Variants in PTPRT observed in about 807,000 individuals in gnomAD.
The protein encoded by PTPRT is receptor-type tyrosine-protein phosphatase T.
In PTPRT, 56 loss-of-function variants were observed where a neutral mutation model predicts 176.8. That is an observed-to-expected ratio of 0.32 (90% CI 0.26 to 0.40). The LOEUF (loss-of-function observed/expected upper bound fraction) is 0.40, where lower values mean the gene tolerates loss of function less well. PTPRT is among the 10% of genes least tolerant of loss of function. PTPRT has a pLI of 1.00. For synonymous variants in PTPRT, 783 were observed against 739.0 expected, an observed-to-expected ratio of 1.06 and a Z score of -0.96; for missense variants, 1,540 against 1,908.2, an observed-to-expected ratio of 0.81 and a Z score of 3.60.
chr20:42,425,771 AAAAGAGAGGT>A (rs2059157844), intron 9 of PTPRT, among the ~76,000 whole-genome samples: 1 of 152,182 alleles, frequency 6.6e-6, no homozygotes, highest in South Asian at 2.1e-4. Context: ...AAGCTGGGGT[AAAAGAGAGGT>A]AATGACTGAG....
intron 13 of PTPRT, among the ~76,000 whole-genome samples, chr20:42,265,744 G>A (rs1600749987): frequency 6.6e-6 from 1 of 152,248 alleles, no homozygotes; most frequent in East Asian, 1.9e-4. Flanking sequence ...AAGCCTCAGG[G>A]TGTCCAAGCT....
At chr20:42,636,701 C>T (rs1481090941) in intron 7 of PTPRT, among the ~76,000 whole-genome samples, 1 of 151,966 alleles carries the variant, frequency 6.6e-6, no homozygotes, top group Non-Finnish European at 1.5e-5. Flanking sequence ...AGGAGAATTG[C>T]TTGAATTCAG....
chr20:43,146,541 A>C (rs1261671188), intron 1 of PTPRT, among the ~76,000 whole-genome samples: 4 of 144,460 alleles, frequency 2.8e-5, no homozygotes, highest in African/African-American at 8.0e-5. Flanking sequence ...CAAAATAAAG[A>C]CTCTTCACTT....
chr20:42,280,613 A>G (rs1230543875), intron 13 of PTPRT, among the ~76,000 whole-genome samples: 1 of 152,152 alleles, frequency 6.6e-6, no homozygotes. Flanking sequence ...TCACTTAAGG[A>G]AAGATGGTAA....
At chr20:42,123,231 G>A (rs1327203017) in intron 19 of PTPRT, among the ~76,000 whole-genome samples, 1 of 152,224 alleles carries the variant, frequency 6.6e-6, no homozygotes, top group Non-Finnish European at 1.5e-5. Context: ...TTGAAATTCA[G>A]TGAGATAACA....
intron 1 of PTPRT, among the ~76,000 whole-genome samples, chr20:42,947,438 G>GT (rs1483168446): frequency 6.6e-6 from 1 of 152,062 alleles, no homozygotes; most frequent in Non-Finnish European, 1.5e-5. Context: ...ATTCTCTCCT[G>GT]TTCTCCATAG....
intron 12 of PTPRT, among the ~76,000 whole-genome samples, chr20:42,291,051 C>G (rs1437064886): frequency 6.6e-6 from 1 of 152,116 alleles, no homozygotes; most frequent in Non-Finnish European, 1.5e-5. Context: ...CAACTTGTGT[C>G]TTTATTTTGT....
At chr20:42,509,435 T>G (rs1296636458) in intron 7 of PTPRT, among the ~76,000 whole-genome samples, 2 of 80,498 alleles carry the variant, frequency 2.5e-5, no homozygotes, top group Non-Finnish European at 4.4e-5. Context: ...AGATATAAAT[T>G]ATATAATTTA....
rs368202054 is a variant in PTPRT at position 43,077,974 on chromosome 20, C to A, written c.88+111672G>T. On this transcript the variant is annotated intron_variant, in intron 1 of 30. Transcript: ENST00000373187. ...TGGGAACATCATTTCTTCAGGGACA[C>A]CCTCCCTGAGTATATCAGATACACC... is the stretch of plus-strand genomic sequence containing the variant. Among the ~76,000 whole-genome samples, 6 of 152,328 alleles carry A rather than the reference C, an allele frequency of 3.9e-5. No homozygotes were observed. The East Asian group carries it at 7.7e-4, about 20-fold the overall frequency.
At chr20:42,390,864 T>C (rs2058793690) in intron 9 of PTPRT, among the ~76,000 whole-genome samples, 1 of 152,220 alleles carries the variant, frequency 6.6e-6, no homozygotes, top group African/African-American at 2.4e-5. Flanking sequence ...GAACAGGAAC[T>C]TTCTTGAGTA....
chr20:42,237,545 T>C (rs2056270164), intron 14 of PTPRT, among the ~76,000 whole-genome samples: 1 of 152,246 alleles, frequency 6.6e-6, no homozygotes, highest in Admixed American at 6.5e-5. Context: ...ATTTTATATA[T>C]TGAAGTTTTA....
intron 1 of PTPRT, among the ~76,000 whole-genome samples, chr20:43,008,653 T>C (rs1984976389): frequency 6.6e-6 from 1 of 152,080 alleles, no homozygotes; most frequent in African/African-American, 2.4e-5. Context: ...ATCACACCAC[T>C]GCACTCCAGC....
chr20:43,011,187 A>G (rs895089122), intron 1 of PTPRT, among the ~76,000 whole-genome samples: 3 of 152,128 alleles, frequency 2.0e-5, no homozygotes, highest in East Asian at 1.9e-4. Context: ...CACAAACTCT[A>G]CTAAGCATTA....
At chr20:43,073,967 T>A (rs1217882538) in intron 1 of PTPRT, among the ~76,000 whole-genome samples, 4 of 152,172 alleles carry the variant, frequency 2.6e-5, no homozygotes, top group Non-Finnish European at 5.9e-5. Flanking sequence ...TTACCCAGGC[T>A]GGTCTCGAAC....
intron 7 of PTPRT, among the ~76,000 whole-genome samples, chr20:42,674,187 C>A (rs989813638): frequency 6.6e-6 from 1 of 152,186 alleles, no homozygotes; most frequent in South Asian, 2.1e-4. Flanking sequence ...AAACATTCCA[C>A]CATCAGTGGC....
chr20:43,059,627 G>A (rs1217784255), intron 1 of PTPRT, among the ~76,000 whole-genome samples: 1 of 152,160 alleles, frequency 6.6e-6, no homozygotes, highest in African/African-American at 2.4e-5. Flanking sequence ...CTCAGGAGGT[G>A]GAGGCTTTCT....
At chr20:42,948,319 T>G (rs139078963) in intron 1 of PTPRT, among the ~76,000 whole-genome samples, 1 of 152,274 alleles carries the variant, frequency 6.6e-6, no homozygotes, top group African/African-American at 2.4e-5. Flanking sequence ...CTTATCATCA[T>G]TTGTATCTAG....
intron 6 of PTPRT, among the ~76,000 whole-genome samples, chr20:42,708,447 T>C (rs555294033): frequency 1.8e-4 from 27 of 152,176 alleles, no homozygotes; most frequent in Non-Finnish European, 3.5e-4. Flanking sequence ...TAGATTAATA[T>C]ATCACCACAT....
At chr20:42,126,083 C>T (rs1987846699) in intron 19 of PTPRT, among the ~76,000 whole-genome samples, 1 of 151,996 alleles carries the variant, frequency 6.6e-6, no homozygotes, top group Non-Finnish European at 1.5e-5. Context: ...AGGTCTGGTT[C>T]CCATCCTGGT....
Sources: allele counts gnomAD v4.1 joint callset (sites outside exome capture counted in the v4.1 genomes callset), GRCh38; gene constraint gnomAD v4.1.1; transcripts MANE v1.5; gene names NCBI Gene and HGNC (gene_info 2026-07-23, HGNC 2026-07-21).